Variants in MBOAT1 observed in about 807,000 individuals in gnomAD.
MBOAT1 encodes membrane-bound glycerophospholipid O-acyltransferase 1.
MBOAT1 carries 67 observed loss-of-function variants against 64.4 expected under a neutral mutation model. The ratio of observed to expected loss-of-function variants is 1.04; its 90% CI spans 0.85 to 1.27. The LOEUF (loss-of-function observed/expected upper bound fraction) is 1.27, where lower values mean the gene tolerates loss of function less well. Ranked by LOEUF, MBOAT1 falls within the 50% of genes most tolerant of loss-of-function variation. The pLI, the probability that MBOAT1 is intolerant of heterozygous loss-of-function variation, is 0.00. For synonymous variants in MBOAT1, 229 were observed against 218.9 expected (o/e 1.05, Z -0.41); for missense variants, 563 against 604.6 (o/e 0.93, Z 0.72).
intron 1 of MBOAT1, among the ~76,000 whole-genome samples, chr6:20,188,333 T>C (rs1003621053): frequency 2.0e-5 from 3 of 152,116 alleles, no homozygotes; most frequent in African/African-American, 4.8e-5. Context: ...ATACCATACA[T>C]AGCATACTTA....
chr6:20,211,983 C>CACAT, intron 1 of MBOAT1, 153 bp downstream of exon 1: 2 of 606,184 alleles, frequency 3.3e-6, no homozygotes, highest in Non-Finnish European at 5.8e-6. Context: ...CACACACACA[C>CACAT]ACACACACAC....
intron 8 of MBOAT1, among the ~76,000 whole-genome samples, chr6:20,121,232 A>G (rs1159549885): frequency 1.3e-5 from 2 of 152,268 alleles, no homozygotes; most frequent in Admixed American, 1.3e-4. Flanking sequence ...TACATCAATT[A>G]TATGTAAATG....
chr6:20,166,748 G>A (rs1424838688), intron 1 of MBOAT1, among the ~76,000 whole-genome samples: 1 of 151,958 alleles, frequency 6.6e-6, no homozygotes, highest in Non-Finnish European at 1.5e-5. Flanking sequence ...GACCAGCCTG[G>A]GCAAGAGAGT....
intron 1 of MBOAT1, among the ~76,000 whole-genome samples, chr6:20,195,107 C>G (rs940564216): frequency 1.3e-5 from 2 of 152,036 alleles, no homozygotes; most frequent in Admixed American, 1.3e-4. Flanking sequence ...CATATGCCAC[C>G]ATGCCCGGCT....
At chr6:20,173,042 C>T (rs549409968) in intron 1 of MBOAT1, among the ~76,000 whole-genome samples, 1 of 152,310 alleles carries the variant, frequency 6.6e-6, no homozygotes, top group East Asian at 1.9e-4. Flanking sequence ...AGCACCTCCA[C>T]CCTCACTCTC....
At chr6:20,115,217 G>T in intron 10 of MBOAT1, 71 bp downstream of exon 10, 1 of 1,130,598 alleles carries the variant, frequency 8.8e-7, no homozygotes, top group Non-Finnish European at 1.4e-6. Context: ...GACTCCCACT[G>T]TTCATCTACT....
At chr6:20,192,995 CTTTTTTTTT>C (rs1174816793) in intron 1 of MBOAT1, among the ~76,000 whole-genome samples, 2,275 of 54,952 alleles carry the variant, frequency 0.041, 40 homozygotes, top group Non-Finnish European at 0.063. Context: ...GCTATAATTT[CTTTTTTTTT>C]TTTTTTTTTT....
intron 1 of MBOAT1, among the ~76,000 whole-genome samples, chr6:20,170,408 C>G (rs941591676): frequency 3.3e-5 from 5 of 152,162 alleles, no homozygotes; most frequent in Admixed American, 2.0e-4. Context: ...TCCTCCAGGT[C>G]TCTTAGCTAA....
At chr6:20,184,376 A>C (rs1762590498) in intron 1 of MBOAT1, among the ~76,000 whole-genome samples, 1 of 152,106 alleles carries the variant, frequency 6.6e-6, no homozygotes, top group African/African-American at 2.4e-5. Context: ...CACTAAGGTA[A>C]TGTCATGTCA....
chr6:20,111,835 C>CATATATATACGTATATATAT lies in MBOAT1; in HGVS notation c.1209+1040_1209+1041insATATATATACGTATATATAT. On this transcript the variant is annotated intron_variant, in intron 11 of 12. Transcript: ENST00000324607. ...ATATACATATATATACATATATATA[C>CATATATATACGTATATATAT]ACATATATATACATATATATATACA... Among the ~76,000 whole-genome samples, 762 of 86,742 alleles carry CATATATATACGTATATATAT rather than the reference C, an allele frequency of 8.8e-3. 24 individuals carry two copies. The highest frequency in any genetic ancestry group is 0.029 in the African/African-American group (715 of 24,260). The allele number at this position is 86,742 out of a possible 152,430, so 56.9% of individuals were successfully genotyped here. A position where few individuals can be genotyped will look rare whatever the true frequency, so the allele number is the denominator to read the frequency against.
At chr6:20,110,119 C>T (rs1029422315) in intron 11 of MBOAT1, among the ~76,000 whole-genome samples, 7 of 151,712 alleles carry the variant, frequency 4.6e-5, no homozygotes, top group Non-Finnish European at 8.8e-5. Context: ...CCATGTTGGC[C>T]AGGCTGGTCT....
chr6:20,143,631 A>T (rs936534185), intron 4 of MBOAT1, among the ~76,000 whole-genome samples: 10 of 152,182 alleles, frequency 6.6e-5, no homozygotes, highest in Admixed American at 5.2e-4. Context: ...GAGGGAGAGG[A>T]TCAGGAAGAA....
At chr6:20,207,096 G>T (rs995231278) in intron 1 of MBOAT1, among the ~76,000 whole-genome samples, 5 of 152,160 alleles carry the variant, frequency 3.3e-5, no homozygotes, top group Non-Finnish European at 7.3e-5. Context: ...GCACATATTT[G>T]TGCATATTCA....
intron 3 of MBOAT1, among the ~76,000 whole-genome samples, chr6:20,147,052 T>C (rs1047482928): frequency 1.3e-5 from 2 of 152,188 alleles, no homozygotes; most frequent in African/African-American, 4.8e-5. Flanking sequence ...CAAGATCTGA[T>C]GGTTTTGTAA....
chr6:20,166,918 G>A (rs1450179708), intron 1 of MBOAT1, among the ~76,000 whole-genome samples: 6 of 151,616 alleles, frequency 4.0e-5, no homozygotes, highest in Non-Finnish European at 8.8e-5. Flanking sequence ...CAGCCTGGGT[G>A]ACAGAGTGAG....
intron 4 of MBOAT1, among the ~76,000 whole-genome samples, chr6:20,135,543 C>G (rs757867072): frequency 4.6e-5 from 7 of 152,008 alleles, no homozygotes; most frequent in Non-Finnish European, 1.0e-4. Context: ...CCTATTTTAC[C>G]TTAATCTTTG....
chr6:20,171,410 G>A (rs1031843806), intron 1 of MBOAT1, among the ~76,000 whole-genome samples: 9 of 149,796 alleles, frequency 6.0e-5, no homozygotes, highest in East Asian at 3.9e-4. Flanking sequence ...AAAACTAGCC[G>A]GGCATGGTGA....
intron 1 of MBOAT1, among the ~76,000 whole-genome samples, chr6:20,202,791 G>C (rs1763160189): frequency 6.6e-6 from 1 of 152,082 alleles, no homozygotes; most frequent in Admixed American, 6.5e-5. Flanking sequence ...GTGTTTGCCT[G>C]GCAAAACTAC....
At chr6:20,161,056 T>C (rs1761840711) in intron 1 of MBOAT1, among the ~76,000 whole-genome samples, 1 of 152,008 alleles carries the variant, frequency 6.6e-6, no homozygotes, top group Non-Finnish European at 1.5e-5. Flanking sequence ...AGAAGGTGAG[T>C]GGCAGGTGAC....
Sources: allele counts gnomAD v4.1 joint callset (sites outside exome capture counted in the v4.1 genomes callset), GRCh38; gene constraint gnomAD v4.1.1; transcripts MANE v1.5; gene names NCBI Gene and HGNC (gene_info 2026-07-23, HGNC 2026-07-21).